Variants in PTPN18 observed in about 807,000 individuals in gnomAD.
The protein encoded by PTPN18 is protein tyrosine phosphatase non-receptor type 18.
PTPN18 carries 65 observed loss-of-function variants against 65.4 expected under a neutral mutation model. The ratio of observed to expected loss-of-function variants is 0.99; its 90% CI spans 0.81 to 1.22. The LOEUF (loss-of-function observed/expected upper bound fraction) is 1.22, where lower values mean the gene tolerates loss of function less well. Among genes scored for constraint, PTPN18 ranks in the 50% most tolerant of loss-of-function variants. PTPN18 has a pLI of 0.00. For synonymous variants in PTPN18, 255 were observed against 267.8 expected (o/e 0.95, Z 0.47); for missense variants, 616 against 646.5 (o/e 0.95, Z 0.51).
intron 5 of PTPN18, among the ~76,000 whole-genome samples, chr2:130,365,932 T>C (rs1052621841): frequency 2.6e-5 from 4 of 152,266 alleles, no homozygotes; most frequent in Non-Finnish European, 5.9e-5. Flanking sequence ...TTGATGTGTT[T>C]ATCCTTGTGC....
intron 8 of PTPN18, 157 bp from the exon 9 acceptor site, chr2:130,370,400 T>C: frequency 8.8e-7 from 1 of 1,131,976 alleles, no homozygotes; most frequent in South Asian, 1.3e-5. Flanking sequence ...TGTAAGTGAT[T>C]AAAAAGGTTT....
At chr2:130,368,581 G>C (rs1012097761) in intron 5 of PTPN18, among the ~76,000 whole-genome samples, 2 of 152,186 alleles carry the variant, frequency 1.3e-5, no homozygotes, top group Admixed American at 1.3e-4. Context: ...TGGCCTCATG[G>C]GGTTTCATGT....
In PTPN18 at chr2:130,370,901, G is replaced by C. The variant is rs780307824; in HGVS notation, c.861G>C (p.Thr287=). 1.9e-6 allele frequency: 3 copies of C among 1,614,024 alleles called. No homozygotes were observed. The highest frequency in any genetic ancestry group is 1.1e-5 in the South Asian group (1 of 91,060). ...AGCAGTACAGGTTCCTGTACCACAC[G>C]GTGGCTCAGATGTTCTGCTCCACAC... ...TEEQYRFLYH[T]VAQMFCSTLQ... The change falls in exon 11 of 15, where the codon ACG becomes ACC. Residue 287 remains threonine, a synonymous_variant. Coordinates refer to ENST00000175756, the MANE Select transcript of PTPN18 (RefSeq NM_014369.4).
At position 130,375,302 on chromosome 2, in the gene PTPN18, G is replaced by C. The variant is rs1680712624; in HGVS notation, c.*2078G>C. On this transcript the variant is annotated 3_prime_UTR_variant, in exon 15 of 15. Transcript: ENST00000175756. Reference sequence around the variant, plus strand: ...GACCCACTGCCTGCCCAGCTGGTACGATCCACATGCCCTCTTCTTGGGAAT... The same window carrying C: ...GACCCACTGCCTGCCCAGCTGGTACCATCCACATGCCCTCTTCTTGGGAAT... 1 of 153,362 alleles carries C rather than the reference G, an allele frequency of 6.5e-6. No individual in the cohort carries two copies. Among genetic ancestry groups the C allele is most frequent in the Admixed American group, 6.5e-5 (1 of 15,472 alleles). 9.5% of individuals were successfully genotyped at this position (153,362 alleles called of 1,614,324 possible). A position where few individuals can be genotyped will look rare whatever the true frequency, so the allele number is the denominator to read the frequency against.
At chr2:130,362,944 C>G (rs984303337) in intron 5 of PTPN18, among the ~76,000 whole-genome samples, 1 of 151,926 alleles carries the variant, frequency 6.6e-6, no homozygotes, top group East Asian at 2.0e-4. Context: ...CTCAGCCTCC[C>G]GAGTAGCTAG....
At chr2:130,361,536 TTCTTTCTTTC>T (rs1203252291) in intron 5 of PTPN18, among the ~76,000 whole-genome samples, 1 of 140,720 alleles carries the variant, frequency 7.1e-6, no homozygotes, top group Non-Finnish European at 1.5e-5. Flanking sequence ...CTTTCTTTCT[TTCTTTCTTTC>T]TTTCTTTCTT....
intron 4 of PTPN18, 42 bp from the exon 5 acceptor site, chr2:130,359,566 T>C (rs1233990996): frequency 6.2e-7 from 1 of 1,613,172 alleles, no homozygotes; most frequent in South Asian, 1.1e-5. Flanking sequence ...CCTGGCCCCC[T>C]CACCCAAATC....
Position 130,372,246 on chromosome 2 carries a change from C to T in PTPN18, c.1014-11C>T, listed in dbSNP as rs1198876750. 1.5e-5 allele frequency: 24 copies of T among 1,571,542 alleles called. No individual in the cohort carries two copies. In the East Asian group the frequency reaches 5.8e-4, roughly 38 times the overall value. ...GCCGTTTCACTTCCTCCCGGCCCTC[C>T]CTGCCTGCAGGAGCATCTCTGTGCC... On this transcript the variant is annotated splice_polypyrimidine_tract_variant and intron_variant, in intron 12 of 14. Coordinates refer to ENST00000175756, the MANE Select transcript of PTPN18 (RefSeq NM_014369.4).
chr2:130,358,081 C>T (rs1396778983), intron 1 of PTPN18, among the ~76,000 whole-genome samples: 2 of 152,290 alleles, frequency 1.3e-5, no homozygotes, highest in Middle Eastern at 3.4e-3. Context: ...GCCTCACATG[C>T]GGAAGGCTGG....
chr2:130,368,075 A>G (rs1680443080), intron 5 of PTPN18, among the ~76,000 whole-genome samples: 1 of 151,616 alleles, frequency 6.6e-6, no homozygotes, highest in Admixed American at 6.6e-5. Context: ...TATAAATTCC[A>G]TTCAGGTTAT....
intron 1 of PTPN18, among the ~76,000 whole-genome samples, chr2:130,357,551 G>A (rs1342484115): frequency 6.6e-6 from 1 of 152,146 alleles, no homozygotes; most frequent in African/African-American, 2.4e-5. Flanking sequence ...AAATTCATAA[G>A]TAGATATAAA....
chr2:130,368,989 T>A, intron 5 of PTPN18, 144 bp from the exon 6 acceptor site: 1 of 624,106 alleles, frequency 1.6e-6, no homozygotes, highest in Non-Finnish European at 2.8e-6. Context: ...GATGGCTCTG[T>A]TGGCTGGCGT....
chr2:130,362,159 T>C (rs749631305), intron 5 of PTPN18: 72 of 470,354 alleles, frequency 1.5e-4, no homozygotes, highest in Non-Finnish European at 2.9e-4. Flanking sequence ...CTTGTAGAGA[T>C]TAAGTCTCAC....
chr2:130,367,879 C>T (rs1680436648), intron 5 of PTPN18, among the ~76,000 whole-genome samples: 1 of 151,970 alleles, frequency 6.6e-6, no homozygotes, highest in South Asian at 2.1e-4. Flanking sequence ...TTCTCCTTTC[C>T]TTCTGGACTC....
Position 130,370,547 on chromosome 2 carries a change from CTCT to C in PTPN18, c.690-8_690-6del, listed in dbSNP as rs774599068. 5.6e-6 allele frequency: 9 copies of C among 1,614,152 alleles called. No individual in the cohort carries two copies. The highest frequency in any genetic ancestry group is 1.7e-4 in the Middle Eastern group (1 of 6,060). Reference sequence around the variant, plus strand: ...GGACCTGACCAGGCACACTCTGATTCTCTTGTCAGTGCGGGTTGTGGGCGAACA... The same window carrying C: ...GGACCTGACCAGGCACACTCTGATTCTGTCAGTGCGGGTTGTGGGCGAACA... On this transcript the variant is annotated splice_polypyrimidine_tract_variant and splice_region_variant and intron_variant, in intron 8 of 14. Transcript: ENST00000175756.
rs1433358298 is a variant in PTPN18 at position 130,362,269 on chromosome 2, C to T, written c.414+2623C>T. The T allele has an allele frequency of 7.5e-6, 3 of 401,444 alleles. No individual in the cohort carries two copies. In the East Asian group the frequency reaches 2.6e-4, roughly 35 times the overall value. 24.9% of individuals were successfully genotyped at this position (401,444 alleles called of 1,614,324 possible). A position where few individuals can be genotyped will look rare whatever the true frequency, so the allele number is the denominator to read the frequency against. On this transcript the variant is annotated intron_variant, in intron 5 of 14. Transcript: ENST00000175756. ...ACAGGCATGAGCCACTGCATCTAGC[C>T]AGGACTTACTTTTAAATCTAATCTG... is the stretch of plus-strand genomic sequence containing the variant.
intron 1 of PTPN18, among the ~76,000 whole-genome samples, chr2:130,357,855 CAA>C (rs549804785): frequency 0.063 from 5,560 of 88,654 alleles, 322 homozygotes; most frequent in African/African-American, 0.18. Flanking sequence ...GACTCCATCT[CAA>C]AAAAAAAAAA....
chr2:130,359,981 T>C lies in PTPN18; in HGVS notation c.414+335T>C. On this transcript the variant is annotated intron_variant, in intron 5 of 14. Transcript: ENST00000175756. Reference sequence around the variant, plus strand: ...ACAACTCTGGTCTCTGCTGTTCCCATGTTCCAGGGATGGCTCTGCCTCAGG... The same window carrying C: ...ACAACTCTGGTCTCTGCTGTTCCCACGTTCCAGGGATGGCTCTGCCTCAGG... The C allele has an allele frequency of 9.0e-6, 3 of 331,908 alleles. No individual in the cohort carries two copies. The South Asian group carries it at 1.1e-4, about 12-fold the overall frequency. The allele number at this position is 331,908 out of a possible 1,614,324, so 20.6% of individuals were successfully genotyped here. A position where few individuals can be genotyped will look rare whatever the true frequency, so the allele number is the denominator to read the frequency against.
In PTPN18 at chr2:130,370,207, T is replaced by C. The variant is rs1480826136; in HGVS notation, c.689+17T>C. On this transcript the variant is annotated intron_variant, in intron 8 of 14. Transcript: ENST00000175756. ...CCACTGCAGGTTTTGGAAATGGGCTTCAGGAGGGTCTGGTGAGGCAGAGGG... is the reference window on the plus strand; with the variant it reads ...CCACTGCAGGTTTTGGAAATGGGCTCCAGGAGGGTCTGGTGAGGCAGAGGG... 2 of 1,607,776 alleles carry C rather than the reference T, an allele frequency of 1.2e-6. No homozygotes were observed. Among genetic ancestry groups the C allele is most frequent in the African/African-American group, 2.7e-5 (2 of 74,842 alleles).
Sources: gnomAD v4.1 joint callset for allele counts (sites outside exome capture counted in the v4.1 genomes callset) on GRCh38, gnomAD v4.1.1 for gene constraint, MANE v1.5 for transcripts, NCBI Gene and HGNC (gene_info 2026-07-23, HGNC 2026-07-21) for gene names.